The following FBXO15 variants were observed in gnomAD, a reference collection of about 807,000 sequenced individuals.
FBXO15 encodes the protein F-box protein 15, also known as F-box only protein 15.
Under a neutral mutation model 49.5 loss-of-function variants are expected in FBXO15, and 30 were observed. The ratio of observed to expected loss-of-function variants is 0.61; its 90% confidence interval spans 0.45 to 0.82. The LOEUF (loss-of-function observed/expected upper bound fraction) is 0.82, where lower values mean the gene tolerates loss of function less well. Ranked by LOEUF, FBXO15 falls within the 40% of genes least tolerant of loss-of-function variation. The pLI, the probability that FBXO15 is intolerant of heterozygous loss-of-function variation, is 0.00. For missense variants in FBXO15, 591 were observed against 631.5 expected, an observed-to-expected ratio of 0.94 and a Z score of 0.69; for synonymous variants, 250 against 232.7, an observed-to-expected ratio of 1.07 and a Z score of -0.68.
intron 3 of FBXO15, among the ~76,000 whole-genome samples, chr18:74,132,474 G>A (rs1034973511): frequency 6.6e-6 from 1 of 152,190 alleles, no homozygotes; most frequent in Non-Finnish European, 1.5e-5. Flanking sequence ...CATGCAGTGA[G>A]TAACCATAAC....
At chr18:74,086,804 A>G (rs1041520291) in intron 8 of FBXO15, among the ~76,000 whole-genome samples, 3 of 152,252 alleles carry the variant, frequency 2.0e-5, no homozygotes, top group African/African-American at 7.2e-5. Flanking sequence ...TGGAAACATA[A>G]TAAGAATTTG....
intron 9 of FBXO15, among the ~76,000 whole-genome samples, chr18:74,080,097 G>T (rs2145102162): frequency 6.6e-6 from 1 of 152,208 alleles, no homozygotes; most frequent in East Asian, 1.9e-4. Context: ...ATGTACCTAA[G>T]AAACTTTCTA....
chr18:74,074,915 C>A lies in FBXO15; in HGVS notation c.1264-1185G>T, dbSNP rs1305455020. Reference sequence around the variant, plus strand: ...TCCTTTCCACTTTAGATTTCACTGGCCTTTGCTGGAATAACACTCTTGCCA... The same window carrying A: ...TCCTTTCCACTTTAGATTTCACTGGACTTTGCTGGAATAACACTCTTGCCA... On this transcript the variant is annotated intron_variant, in intron 9 of 9. Transcript: ENST00000419743. The surrounding 1 kb of genome is among the most constrained non-coding windows in gnomAD (Gnocchi z 4.7). Among the ~76,000 whole-genome samples, 1 of 152,180 alleles carries A rather than the reference C, an allele frequency of 6.6e-6. No homozygotes were observed. Among genetic ancestry groups the A allele is most frequent in the Non-Finnish European group, 1.5e-5 (1 of 68,026 alleles).
At chr18:74,110,174 TATATATACACATATGTGTGC>T (rs1297297037) in intron 8 of FBXO15, among the ~76,000 whole-genome samples, 5 of 118,546 alleles carry the variant, frequency 4.2e-5, no homozygotes, top group African/African-American at 1.5e-4. Flanking sequence ...CATATATATA[TATATATACACATATGTGTGC>T]ATATATATAT....
Position 74,147,573 on chromosome 18 carries a change from C to G in FBXO15, c.116+97G>C, listed in dbSNP as rs1378689983. The stretch of plus-strand genomic sequence containing the variant: ...ACGTTGAAGACGGCCACGGGCCTTG[C>G]GCCAAGCTGGACGAATAAAATACAC... On this transcript the variant is annotated intron_variant, in intron 1 of 9. Transcript: ENST00000419743. 1.7e-5 allele frequency: 22 copies of G among 1,309,358 alleles called. No homozygotes were observed. In the South Asian group the frequency reaches 1.9e-4, roughly 12 times the overall value. The allele number at this position is 1,309,358 out of a possible 1,614,324, so 81.1% of individuals were successfully genotyped here. A position where few individuals can be genotyped will look rare whatever the true frequency, so the allele number is the denominator to read the frequency against.
At chr18:74,083,640 T>C (rs553938442) in intron 8 of FBXO15, among the ~76,000 whole-genome samples, 1 of 152,244 alleles carries the variant, frequency 6.6e-6, no homozygotes, top group East Asian at 1.9e-4. Flanking sequence ...AAACCTCAAA[T>C]CCCTGTAGGA....
chr18:74,147,631 T>C (rs1207424670), intron 1 of FBXO15, 39 bp downstream of exon 1: 2 of 1,376,250 alleles, frequency 1.5e-6, no homozygotes, highest in East Asian at 5.9e-5. Flanking sequence ...AGTGACGGGC[T>C]TCCCGCCAGG....
At chr18:74,092,859 GAGC>G (rs145068026) in intron 8 of FBXO15, among the ~76,000 whole-genome samples, 1 of 152,008 alleles carries the variant, frequency 6.6e-6, no homozygotes, top group African/African-American at 2.4e-5. Flanking sequence ...TTGCATGGGC[GAGC>G]AGCAGCAGCA....
chr18:74,114,058 T>C lies in FBXO15; in HGVS notation c.1138+9310A>G, dbSNP rs910641901. 4.6e-5 allele frequency among the ~76,000 whole-genome samples: 7 copies of C among 152,326 alleles called. 1 individual carries two copies. The South Asian group carries it at 8.3e-4, about 18-fold the overall frequency. ...ATTTCAGGAGTGTTCTCACCCACCA[T>C]TCCCTAACCAGTAAGGGTGGTCCCT... On this transcript the variant is annotated intron_variant, in intron 8 of 9. Coordinates refer to ENST00000419743, the MANE Select transcript of FBXO15 (RefSeq NM_001142958.2).
At chr18:74,133,584 A>G (rs1978528956) in intron 3 of FBXO15, among the ~76,000 whole-genome samples, 1 of 152,160 alleles carries the variant, frequency 6.6e-6, no homozygotes, top group South Asian at 2.1e-4. Context: ...TCATTGTCAT[A>G]GTCTCTTTGT....
chr18:74,145,131 C>T (rs765402812), intron 1 of FBXO15, among the ~76,000 whole-genome samples: 3 of 152,062 alleles, frequency 2.0e-5, no homozygotes, highest in South Asian at 2.1e-4. Flanking sequence ...AATTCAGTAA[C>T]GAATGGATAT....
chr18:74,124,369 G>T, intron 7 of FBXO15, 120 bp downstream of exon 7: 1 of 784,950 alleles, frequency 1.3e-6, no homozygotes, highest in Non-Finnish European at 2.1e-6. Context: ...GTTGGTTTGT[G>T]TTTACTGATT....
chr18:74,138,499 G>T (rs1978863067), intron 2 of FBXO15, among the ~76,000 whole-genome samples: 1 of 152,016 alleles, frequency 6.6e-6, no homozygotes, highest in Non-Finnish European at 1.5e-5. Context: ...TGCCTGCTTG[G>T]TTGGTTCTCA....
chr18:74,092,725 C>T (rs1384257151), intron 8 of FBXO15, among the ~76,000 whole-genome samples: 1 of 152,110 alleles, frequency 6.6e-6, no homozygotes, highest in African/African-American at 2.4e-5. Context: ...TGTTCTTTGA[C>T]CCCCCTCAGG....
At chr18:74,133,516 T>C (rs1431820731) in intron 3 of FBXO15, among the ~76,000 whole-genome samples, 1 of 152,238 alleles carries the variant, frequency 6.6e-6, no homozygotes, top group Admixed American at 6.5e-5. Flanking sequence ...GTTGACTCCT[T>C]CCTTGAAAAA....
chr18:74,106,030 C>T (rs1913744068), intron 8 of FBXO15, among the ~76,000 whole-genome samples: 1 of 152,038 alleles, frequency 6.6e-6, no homozygotes, highest in African/African-American at 2.4e-5. Context: ...AACATATTTT[C>T]ATGACAAAAT....
intron 8 of FBXO15, among the ~76,000 whole-genome samples, chr18:74,118,495 G>A (rs1914336619): frequency 6.9e-6 from 1 of 143,894 alleles, no homozygotes; most frequent in Non-Finnish European, 1.5e-5. Flanking sequence ...CAGAGAGAGA[G>A]AGAGAGAAAG....
chr18:74,117,277 G>T lies in FBXO15; in HGVS notation c.1138+6091C>A, dbSNP rs112841083. 8.1e-3 allele frequency among the ~76,000 whole-genome samples: 1,230 copies of T among 152,092 alleles called. 18 individuals carry two copies. The highest frequency in any genetic ancestry group is 0.028 in the African/African-American group (1,169 of 41,456). Reference sequence around the variant, plus strand: ...TTTACTGGGGGGAAAATCACAAAAGGCCAATTATTCCTAACTCAGTTTCCC... The same window carrying T: ...TTTACTGGGGGGAAAATCACAAAAGTCCAATTATTCCTAACTCAGTTTCCC... On this transcript the variant is annotated intron_variant, in intron 8 of 9. Transcript: ENST00000419743.
intron 8 of FBXO15, among the ~76,000 whole-genome samples, chr18:74,115,037 T>C (rs985199705): frequency 1.3e-5 from 2 of 152,200 alleles, no homozygotes; most frequent in South Asian, 4.1e-4. Flanking sequence ...GCATGAGCAA[T>C]ATTTTATGGA....
Sources: gnomAD v4.1 joint callset for allele counts (sites outside exome capture counted in the v4.1 genomes callset) on GRCh38, gnomAD v4.1.1 for gene constraint, Gnocchi (gnomAD v3.1) non-coding constraint, MANE v1.5 for transcripts, NCBI Gene and HGNC (gene_info 2026-07-23, HGNC 2026-07-21) for gene names.